NUP188: variants seen among roughly 807,000 people sequenced by gnomAD.
NUP188 encodes nucleoporin 188, also known as nucleoporin NUP188.
In NUP188, 97 loss-of-function variants were observed where a neutral mutation model predicts 223.0. That is an observed-to-expected ratio of 0.43 (90% CI 0.37 to 0.51). The LOEUF is 0.51. Ranked by LOEUF, NUP188 falls within the 20% of genes least tolerant of loss-of-function variation. The pLI is 0.00. For missense variants in NUP188, 1,947 were observed against 2,175.6 expected, an observed-to-expected ratio of 0.89 and a Z score of 2.09; for synonymous variants, 869 against 828.0, an observed-to-expected ratio of 1.05 and a Z score of -0.85.
rs749313604 is a variant in NUP188, at chr9:129,006,420, TGGGGTCCTGCCTGGCAACCCCC to T, written c.5073+53_5074-60del. 139 of 1,613,324 alleles carry T rather than the reference TGGGGTCCTGCCTGGCAACCCCC, an allele frequency of 8.6e-5. No individual in the cohort carries two copies. In the African/African-American group the frequency reaches 1.6e-3, roughly 19 times the overall value. On this transcript the variant is annotated intron_variant, in intron 43 of 43. Coordinates refer to ENST00000372577, the MANE Select transcript of NUP188 (RefSeq NM_015354.3). The stretch of plus-strand genomic sequence containing the variant: ...CTGGACCAATAGGGCCAGAGCCCTG[TGGGGTCCTGCCTGGCAACCCCC>T]AAGGGTCAGAACAGTAGCCAGATGT...
chr9:128,993,506 T>C lies in NUP188; in HGVS notation c.2848-19T>C, dbSNP rs1237440990. The C allele has an allele frequency of 3.1e-6, 5 of 1,613,686 alleles. No homozygotes were observed. Among genetic ancestry groups the C allele is most frequent in the East Asian group, 2.2e-5 (1 of 44,896 alleles). The stretch of plus-strand genomic sequence containing the variant: ...GGCAGTGGCTGTGGAACTGAACTCT[T>C]ACCTGTCCCTTCTTGCAGGAATTCA... On this transcript the variant is annotated intron_variant, in intron 26 of 43. Coordinates refer to ENST00000372577, the MANE Select transcript of NUP188 (RefSeq NM_015354.3).
At chr9:128,989,953 T>G (rs1442768958) in intron 24 of NUP188, among the ~76,000 whole-genome samples, 167 bp from the exon 25 acceptor site, 1 of 152,222 alleles carries the variant, frequency 6.6e-6, no homozygotes, top group Non-Finnish European at 1.5e-5. Flanking sequence ...ATTCTTTTGC[T>G]CCTCAATCAA....
chr9:128,994,653 G>A (rs1842487974), intron 28 of NUP188, among the ~76,000 whole-genome samples: 1 of 152,202 alleles, frequency 6.6e-6, no homozygotes, highest in Non-Finnish European at 1.5e-5. Context: ...ACTGTGTGTT[G>A]GTGGCTCTGT....
At chr9:128,986,185 G>A (rs1266374033) in intron 20 of NUP188, among the ~76,000 whole-genome samples, 1 of 152,144 alleles carries the variant, frequency 6.6e-6, no homozygotes, top group Non-Finnish European at 1.5e-5. Flanking sequence ...CTCCTTTCTA[G>A]TATTTCAGTG....
rs1353468001 is a variant in NUP188 at position 129,006,512 on chromosome 9, T to C, written c.5084T>C (p.Leu1695Pro). The C allele has an allele frequency of 6.2e-7, 1 of 1,613,470 alleles. No individual in the cohort carries two copies. Residue 1695 changes from leucine to proline, a missense_variant, in exon 44 of 44, where the codon CTG becomes CCG. By Grantham distance (98) the Leu-to-Pro change is moderately conservative (BLOSUM62 -3). Around this residue, in one of 3 missense-constraint regions of NUP188, gnomAD observed 905 missense variants for 990.6 expected, o/e 0.91. Transcript: ENST00000372577. The stretch of plus-strand genomic sequence containing the variant: ...CTTTTTTTCTTGTAGAGCACGCTGC[T>C]GTCCAGCCTCTCGCGCTACTTCCGC... ...QELSSELSTL[L>P]SSLSRYFRRG...
intron 13 of NUP188, among the ~76,000 whole-genome samples, chr9:128,980,270 G>T (rs1842237034): frequency 6.6e-6 from 1 of 152,170 alleles, no homozygotes; most frequent in African/African-American, 2.4e-5. Flanking sequence ...AGGATCTGTG[G>T]TTGCTGTGTG....
In NUP188 at chr9:128,979,265, A is replaced by G. The variant is rs1842221987; in HGVS notation, c.1207A>G (p.Ile403Val). The G allele has an allele frequency of 3.7e-6, 6 of 1,610,336 alleles. No individual in the cohort carries two copies. In the Middle Eastern group the frequency reaches 5.0e-4, roughly 133 times the overall value. ...ELHTLGNQQD[I>V]IDTACEVLAD... ...TTTTCTTCCCTTCCTCAAACAGGATATAATTGATACAGCATGTGAAGTATT... is the reference window on the plus strand; with the variant it reads ...TTTTCTTCCCTTCCTCAAACAGGATGTAATTGATACAGCATGTGAAGTATT... Residue 403 changes from isoleucine (I) to valine (V), a missense_variant, in exon 13 of 44, where the codon ATA becomes GTA. Transcript: ENST00000372577.
chr9:128,982,770 T>C, intron 16 of NUP188, 69 bp downstream of exon 16: 3 of 1,590,988 alleles, frequency 1.9e-6, no homozygotes, highest in African/African-American at 2.7e-5. Flanking sequence ...ATTTAGAAAA[T>C]AGAATATCTA....
At chr9:128,967,562 G>T (rs1842047739) in intron 8 of NUP188, among the ~76,000 whole-genome samples, 1 of 152,052 alleles carries the variant, frequency 6.6e-6, no homozygotes, top group African/African-American at 2.4e-5. Context: ...GGCCAAGGTG[G>T]GCGGATCACC....
chr9:129,004,766 G>C, intron 38 of NUP188: 1 of 211,180 alleles, frequency 4.7e-6, no homozygotes, highest in Admixed American at 5.2e-5. Flanking sequence ...GACCTCAAAA[G>C]TGCTGGGATT....
chr9:129,005,191 C>T lies in NUP188; in HGVS notation c.4479C>T (p.His1493=). The change falls in exon 39 of 44, where the codon CAC becomes CAT. Residue 1493 remains histidine (H), a synonymous_variant. Coordinates refer to ENST00000372577, the MANE Select transcript of NUP188 (RefSeq NM_015354.3). The stretch of plus-strand genomic sequence containing the variant: ...GCCAGGCATGTACCTCTCTCCTGCA[C>T]AGTCGAAAGATGCTGCAGCATTACT... ...YLCQACTSLL[H]SRKMLQHYLQ... 2 of 1,614,150 alleles carry T rather than the reference C, an allele frequency of 1.2e-6. No homozygotes were observed. Among genetic ancestry groups the T allele is most frequent in the Non-Finnish European group, 1.7e-6 (2 of 1,179,992 alleles).
At chr9:128,959,517 T>C (rs1489895398) in intron 8 of NUP188, among the ~76,000 whole-genome samples, 1 of 150,552 alleles carries the variant, frequency 6.6e-6, no homozygotes, top group Non-Finnish European at 1.5e-5. Context: ...ATTTAAAACA[T>C]ACAGATTATC....
intron 38 of NUP188, 73 bp downstream of exon 38, chr9:129,003,527 G>A: frequency 3.9e-6 from 6 of 1,531,226 alleles, no homozygotes; most frequent in Non-Finnish European, 5.4e-6. Flanking sequence ...GTCTCACTGG[G>A]GCACTCCTAG....
intron 8 of NUP188, among the ~76,000 whole-genome samples, chr9:128,967,541 A>C (rs950209439): frequency 1.3e-5 from 2 of 152,168 alleles, no homozygotes; most frequent in Admixed American, 1.3e-4. Flanking sequence ...CTGTAATCCC[A>C]GCACTCGGGA....
chr9:128,957,114 A>C, intron 5 of NUP188, 82 bp downstream of exon 5: 1 of 951,746 alleles, frequency 1.1e-6, no homozygotes, highest in Non-Finnish European at 1.6e-6. Flanking sequence ...TTTTGGCACC[A>C]ATTCTTTTAT....
chr9:128,947,721 T>TGGC lies in NUP188; in HGVS notation c.9_11dup (p.Ala5dup). 2 of 1,468,458 alleles carry TGGC rather than the reference T, an allele frequency of 1.4e-6. No homozygotes were observed. The highest frequency in any genetic ancestry group is 1.3e-5 in the South Asian group (1 of 75,616). The allele number at this position is 1,468,458 out of a possible 1,614,324, so 91.0% of individuals were successfully genotyped here. A position where few individuals can be genotyped will look rare whatever the true frequency, so the allele number is the denominator to read the frequency against. On this transcript the variant is annotated inframe_insertion, in exon 1 of 44. Transcript: ENST00000372577. The stretch of plus-strand genomic sequence containing the variant: ...GTTAGGGCGAGCGGGCGCGCGAAGA[T>TGGC]GGCGGCGGCCGCCGGCGGGCCGTGT...
chr9:128,975,763 C>T (rs1051854387), intron 12 of NUP188, among the ~76,000 whole-genome samples: 3 of 152,136 alleles, frequency 2.0e-5, no homozygotes, highest in African/African-American at 7.2e-5. Flanking sequence ...AGTGATCCGC[C>T]TGCCTCAGCC....
intron 31 of NUP188, 47 bp from the exon 32 acceptor site, chr9:128,998,491 T>C: frequency 6.6e-7 from 1 of 1,521,298 alleles, no homozygotes; most frequent in Non-Finnish European, 9.1e-7. Context: ...GTGGATGGCA[T>C]GCGAATCTTT....
Position 129,007,066 on chromosome 9 carries a change from T to G in NUP188, c.*388T>G. The G allele has an allele frequency of 5.9e-6, 1 of 168,974 alleles. No homozygotes were observed. Among genetic ancestry groups the G allele is most frequent in the Non-Finnish European group, 1.3e-5 (1 of 79,736 alleles). The allele number at this position is 168,974 out of a possible 1,614,324, so 10.5% of individuals were successfully genotyped here. A position where few individuals can be genotyped will look rare whatever the true frequency, so the allele number is the denominator to read the frequency against. ...AGTTTTGGTAATTCTGTGGTCTATT[T>G]ATACAGATATTAAAATCTTGTTTAT... On this transcript the variant is annotated 3_prime_UTR_variant, in exon 44 of 44. Transcript: ENST00000372577.
Sources: gnomAD v4.1 joint callset for allele counts (sites outside exome capture counted in the v4.1 genomes callset) on GRCh38, gnomAD v4.1.1 for gene constraint, gnomAD v4.1.1 regional missense constraint, MANE v1.5 for transcripts, NCBI Gene and HGNC (gene_info 2026-07-23, HGNC 2026-07-21) for gene names.